The following BTBD16 variants were observed in gnomAD, a reference collection of about 807,000 sequenced individuals.
BTBD16 encodes the protein BTB domain containing 16, also known as BTB/POZ domain-containing protein 16.
Under a neutral mutation model 67.4 loss-of-function variants are expected in BTBD16, and 66 were observed. The observed-to-expected ratio is 0.98, with a 90% CI of 0.80 to 1.20. The LOEUF (loss-of-function observed/expected upper bound fraction) is 1.20, where lower values mean the gene tolerates loss of function less well. BTBD16 is among the 50% of genes most tolerant of loss of function. The pLI is 0.00. For missense variants in BTBD16, 634 were observed against 616.0 expected (o/e 1.03, Z -0.31); for synonymous variants, 242 against 236.4 (o/e 1.02, Z -0.22).
chr10:122,325,677 T>C (rs1321113873), intron 10 of BTBD16, among the ~76,000 whole-genome samples: 1 of 151,958 alleles, frequency 6.6e-6, no homozygotes, highest in Non-Finnish European at 1.5e-5. Context: ...TATAGATAGA[T>C]AGATTTTTTT....
At chr10:122,331,651 C>A (rs2096455339) in intron 12 of BTBD16, among the ~76,000 whole-genome samples, 2 of 152,150 alleles carry the variant, frequency 1.3e-5, no homozygotes, top group Non-Finnish European at 2.9e-5. Context: ...ACATGTATTT[C>A]TTTTATTACT....
intron 1 of BTBD16, 148 bp from the exon 2 acceptor site, chr10:122,274,892 C>G: frequency 1.7e-6 from 1 of 580,602 alleles, no homozygotes; most frequent in South Asian, 2.4e-5. Context: ...CCAGCAACAA[C>G]AAGATATTCT....
chr10:122,324,715 G>T, intron 10 of BTBD16, among the ~76,000 whole-genome samples: 1 of 152,168 alleles, frequency 6.6e-6, no homozygotes, highest in East Asian at 1.9e-4. Context: ...TGCTCTGAGA[G>T]GTGATGACTC....
chr10:122,307,048 T>C, intron 9 of BTBD16, 141 bp from the exon 10 acceptor site: 1 of 924,648 alleles, frequency 1.1e-6, no homozygotes, highest in South Asian at 1.9e-5. Context: ...GTAAGCTGTT[T>C]ACCTGCTTGA....
chr10:122,335,735 T>C (rs557381533), intron 14 of BTBD16, among the ~76,000 whole-genome samples: 2 of 152,342 alleles, frequency 1.3e-5, no homozygotes, highest in African/African-American at 2.4e-5. Context: ...TGATGAAAGA[T>C]TGCTGTGTTC....
chr10:122,307,399 TA>T, intron 10 of BTBD16, 91 bp downstream of exon 10: 1 of 1,351,024 alleles, frequency 7.4e-7, no homozygotes, highest in Non-Finnish European at 9.9e-7. Context: ...CCATCAGTGA[TA>T]TAATTTTTCA....
chr10:122,304,576 A>T (rs2096399973), intron 9 of BTBD16, among the ~76,000 whole-genome samples: 2 of 124,892 alleles, frequency 1.6e-5, no homozygotes, highest in African/African-American at 3.1e-5. Flanking sequence ...TTTTTTTGAG[A>T]CAGAGTCTCC....
At chr10:122,294,384 C>A (rs2096379406) in intron 7 of BTBD16, among the ~76,000 whole-genome samples, 1 of 152,236 alleles carries the variant, frequency 6.6e-6, no homozygotes, top group Non-Finnish European at 1.5e-5. Context: ...TCACACATAC[C>A]TGAGGCCTCC....
At chr10:122,309,482 C>T (rs1005542145) in intron 10 of BTBD16, among the ~76,000 whole-genome samples, 23 of 151,980 alleles carry the variant, frequency 1.5e-4, no homozygotes, top group African/African-American at 4.8e-4. Flanking sequence ...GTAGCTGGGA[C>T]TACAGGCAAG....
intron 10 of BTBD16, among the ~76,000 whole-genome samples, chr10:122,324,086 C>T (rs1379660946): frequency 6.6e-6 from 1 of 152,190 alleles, no homozygotes; most frequent in African/African-American, 2.4e-5. Context: ...CCTGATTCTC[C>T]AGCTGAGTCT....
intron 6 of BTBD16, among the ~76,000 whole-genome samples, chr10:122,290,737 C>G (rs575526819): frequency 6.6e-6 from 1 of 152,098 alleles, no homozygotes; most frequent in Non-Finnish European, 1.5e-5. Flanking sequence ...AAATACACGA[C>G]GTGCACACAA....
At chr10:122,305,427 TAGTG>T (rs2096401987) in intron 9 of BTBD16, among the ~76,000 whole-genome samples, 1 of 152,190 alleles carries the variant, frequency 6.6e-6, no homozygotes, top group Non-Finnish European at 1.5e-5. Flanking sequence ...GTTCTCCTGA[TAGTG>T]AGTGAGTTCC....
At chr10:122,285,280 C>T (rs998096308) in intron 4 of BTBD16, among the ~76,000 whole-genome samples, 2 of 152,162 alleles carry the variant, frequency 1.3e-5, no homozygotes, top group African/African-American at 4.8e-5. Context: ...CCTCTTGAGC[C>T]TCACCTGGCC....
chr10:122,326,466 G>T (rs75927029), intron 10 of BTBD16, among the ~76,000 whole-genome samples: 3 of 152,114 alleles, frequency 2.0e-5, no homozygotes, highest in South Asian at 2.1e-4. Flanking sequence ...CTGCTTCCAG[G>T]TTCATCATGC....
chr10:122,277,063 C>T (rs1381634907), intron 3 of BTBD16, 124 bp downstream of exon 3: 2 of 1,111,086 alleles, frequency 1.8e-6, no homozygotes, highest in African/African-American at 3.1e-5. Context: ...AAGGAAGGCT[C>T]CCTCTGGAGC....
chr10:122,318,881 A>G (rs988043723), intron 10 of BTBD16, among the ~76,000 whole-genome samples: 1 of 152,108 alleles, frequency 6.6e-6, no homozygotes, highest in African/African-American at 2.4e-5. Flanking sequence ...TTTGCTCCAC[A>G]TCCTTGCTAA....
At chr10:122,284,021 G>A (rs765651032) in intron 4 of BTBD16, 97 bp downstream of exon 4, 6 of 877,358 alleles carry the variant, frequency 6.8e-6, no homozygotes, top group Admixed American at 1.9e-5. Context: ...AAACCAGGGC[G>A]CTAGTGTATA....
intron 4 of BTBD16, among the ~76,000 whole-genome samples, chr10:122,285,060 G>A (rs187399409): frequency 3.9e-4 from 59 of 152,216 alleles, no homozygotes; most frequent in Middle Eastern, 3.4e-3. Context: ...TCATAACATG[G>A]GTGAATAACA....
intron 4 of BTBD16, among the ~76,000 whole-genome samples, chr10:122,284,933 T>A (rs2181162): frequency 0.11 from 16,653 of 152,108 alleles, 1,205 homozygotes; most frequent in East Asian, 0.3. Context: ...ACAATTCCGC[T>A]CCTGCCTATA....
Sources: allele counts gnomAD v4.1 joint callset (sites outside exome capture counted in the v4.1 genomes callset), GRCh38; gene constraint gnomAD v4.1.1; transcripts MANE v1.5; gene names NCBI Gene and HGNC (gene_info 2026-07-23, HGNC 2026-07-21).